Variants in HIBCH observed in about 807,000 individuals in gnomAD.
HIBCH encodes the protein 3-hydroxyisobutyryl-CoA hydrolase, mitochondrial.
Under a neutral mutation model 58.2 loss-of-function variants are expected in HIBCH, and 50 were observed. The observed-to-expected ratio is 0.86, with a 90% CI of 0.68 to 1.09. The LOEUF (loss-of-function observed/expected upper bound fraction) is 1.09, where lower values mean the gene tolerates loss of function less well. HIBCH is among the 50% of genes least tolerant of loss of function. The pLI is 0.00. For missense variants in HIBCH, 450 were observed against 449.7 expected, an observed-to-expected ratio of 1.00 and a Z score of -0.01; for synonymous variants, 151 against 146.9, an observed-to-expected ratio of 1.03 and a Z score of -0.20.
chr2:190,221,922 C>G (rs1158265054), intron 11 of HIBCH, among the ~76,000 whole-genome samples: 1 of 152,172 alleles, frequency 6.6e-6, no homozygotes, highest in East Asian at 1.9e-4. Context: ...CTTTCATCAA[C>G]AATAAAATCT....
chr2:190,295,076 T>C (rs911708812), intron 3 of HIBCH, among the ~76,000 whole-genome samples: 1 of 152,202 alleles, frequency 6.6e-6, no homozygotes, highest in Non-Finnish European at 1.5e-5. Context: ...GTAAGTAACA[T>C]AGTGAAACCA....
chr2:190,264,094 A>G (rs1310831992), intron 6 of HIBCH, among the ~76,000 whole-genome samples: 1 of 152,078 alleles, frequency 6.6e-6, no homozygotes, highest in African/African-American at 2.4e-5. Flanking sequence ...TTAAAATGTA[A>G]AACATATCAC....
chr2:190,203,667 T>A (rs1326229439), downstream of HIBCH, among the ~76,000 whole-genome samples: 2 of 152,134 alleles, frequency 1.3e-5, no homozygotes, highest in Non-Finnish European at 2.9e-5. Context: ...AGTATAAATG[T>A]AAATGTATCC....
intron 9 of HIBCH, among the ~76,000 whole-genome samples, chr2:190,249,225 T>C (rs1355999867): frequency 6.6e-6 from 1 of 152,226 alleles, no homozygotes; most frequent in Non-Finnish European, 1.5e-5. Flanking sequence ...GATTCTTGGC[T>C]CTTATAAGAA....
At chr2:190,230,356 C>T (rs577033799) in intron 11 of HIBCH, among the ~76,000 whole-genome samples, 2 of 152,152 alleles carry the variant, frequency 1.3e-5, no homozygotes, top group Admixed American at 6.6e-5. Flanking sequence ...AAAGATATTA[C>T]GAACAACATT....
chr2:190,314,749 G>C (rs1688669539), intron 1 of HIBCH, among the ~76,000 whole-genome samples: 1 of 151,914 alleles, frequency 6.6e-6, no homozygotes, highest in African/African-American at 2.4e-5. Flanking sequence ...AAAGTGCTGG[G>C]ATGACAGGTG....
intron 1 of HIBCH, among the ~76,000 whole-genome samples, chr2:190,191,298 A>G (rs939854487): frequency 6.6e-6 from 1 of 152,066 alleles, no homozygotes; most frequent in Admixed American, 6.5e-5. Flanking sequence ...GTGCACCACT[A>G]TGCCCTGCTA....
chr2:190,191,059 C>T (rs62184381), intron 1 of HIBCH, among the ~76,000 whole-genome samples: 1 of 152,150 alleles, frequency 6.6e-6, no homozygotes, highest in African/African-American at 2.4e-5. Flanking sequence ...GCCTTTGAGT[C>T]ATCCATATTG....
intron 6 of HIBCH, among the ~76,000 whole-genome samples, chr2:190,262,932 G>T (rs1019519901): frequency 3.9e-5 from 6 of 152,184 alleles, no homozygotes; most frequent in Admixed American, 2.0e-4. Context: ...TTTCAATAAA[G>T]ATGAAGGTTC....
chr2:190,294,022 GTATATATATATATA>G (rs1553505756), intron 4 of HIBCH, among the ~76,000 whole-genome samples: 82 of 83,022 alleles, frequency 9.9e-4, no homozygotes, highest in African/African-American at 3.5e-3. Flanking sequence ...TATTTTGTGT[GTATATATATATATA>G]TATATATATA....
At chr2:190,221,978 T>C (rs1217685809) in intron 11 of HIBCH, among the ~76,000 whole-genome samples, 1 of 152,198 alleles carries the variant, frequency 6.6e-6, no homozygotes, top group Non-Finnish European at 1.5e-5. Flanking sequence ...TCATTCCCCC[T>C]GGATGTCGGA....
chr2:190,290,342 A>G, intron 5 of HIBCH, 63 bp downstream of exon 5: 3 of 1,137,176 alleles, frequency 2.6e-6, no homozygotes, highest in Non-Finnish European at 4.0e-6. Context: ...TTTTTAACAA[A>G]GTACATACTG....
chr2:190,290,773 G>A (rs1347731262), intron 4 of HIBCH, among the ~76,000 whole-genome samples: 3 of 152,176 alleles, frequency 2.0e-5, no homozygotes, highest in African/African-American at 4.8e-5. Context: ...TGTAATCGCA[G>A]CACTTTGAGA....
chr2:190,210,412 C>T lies in HIBCH; in HGVS notation c.1012-1499G>A, dbSNP rs1365780877. On this transcript the variant is annotated intron_variant, in intron 12 of 13. Coordinates refer to ENST00000359678, the MANE Select transcript of HIBCH (RefSeq NM_014362.4). The surrounding 1 kb of genome is among the most constrained non-coding windows in gnomAD (Gnocchi z 5.5). ...CTCTCCATCCTTTTTTTCCTTCCTA[C>T]TGCTCTTTCTCTACCACACCTCAAA... Among the ~76,000 whole-genome samples the T allele has an allele frequency of 6.6e-6, 1 of 152,156 alleles. No individual in the cohort carries two copies. Among genetic ancestry groups the T allele is most frequent in the African/African-American group, 2.4e-5 (1 of 41,428 alleles).
chr2:190,223,503 AAC>A (rs1199117978), intron 11 of HIBCH, among the ~76,000 whole-genome samples: 2 of 152,254 alleles, frequency 1.3e-5, no homozygotes, highest in African/African-American at 4.8e-5. Context: ...CGTGAAGAAA[AAC>A]AGAGTCAAGG....
intron 1 of HIBCH, among the ~76,000 whole-genome samples, chr2:190,193,717 G>GC (rs1274992348): frequency 6.6e-6 from 1 of 151,980 alleles, no homozygotes; most frequent in African/African-American, 2.4e-5. Flanking sequence ...GACTTTTCTT[G>GC]ATCAGTCTGT....
intron 1 of HIBCH, among the ~76,000 whole-genome samples, chr2:190,314,801 G>A (rs1688672040): frequency 2.0e-5 from 3 of 152,080 alleles, no homozygotes; most frequent in Admixed American, 6.5e-5. Flanking sequence ...TTCAAATTCA[G>A]CTGTCACTTA....
intron 9 of HIBCH, among the ~76,000 whole-genome samples, chr2:190,248,325 C>T (rs768122781): frequency 2.0e-5 from 3 of 152,074 alleles, no homozygotes; most frequent in Admixed American, 6.5e-5. Flanking sequence ...TGAATTTCAA[C>T]GTCTATGGGT....
chr2:190,236,152 C>A lies in HIBCH; in HGVS notation c.891+8735G>T, dbSNP rs910897775. The stretch of plus-strand genomic sequence containing the variant: ...TGCACACACCTTCATGGAGTAACTG[C>A]CATTTTAAGGTATTTTACAATATTG... On this transcript the variant is annotated intron_variant, in intron 11 of 13. Coordinates refer to ENST00000359678, the MANE Select transcript of HIBCH (RefSeq NM_014362.4). The surrounding 1 kb of genome is among the most constrained non-coding windows in gnomAD (Gnocchi z 4.1). Among the ~76,000 whole-genome samples the A allele has an allele frequency of 6.6e-6, 1 of 152,042 alleles. No individual in the cohort carries two copies. The highest frequency in any genetic ancestry group is 1.5e-5 in the Non-Finnish European group (1 of 68,016).
Sources: gnomAD v4.1 joint callset for allele counts (sites outside exome capture counted in the v4.1 genomes callset) on GRCh38, gnomAD v4.1.1 for gene constraint, Gnocchi (gnomAD v3.1) non-coding constraint, MANE v1.5 for transcripts, NCBI Gene and HGNC (gene_info 2026-07-23, HGNC 2026-07-21) for gene names.